Variants in C16orf96 observed in about 807,000 individuals in gnomAD.
C16orf96 encodes uncharacterized protein C16orf96.
Under a neutral mutation model 103.6 loss-of-function variants are expected in C16orf96, and 108 were observed. The ratio of observed to expected loss-of-function variants is 1.04; its 90% CI spans 0.89 to 1.22. The LOEUF (loss-of-function observed/expected upper bound fraction) is 1.22, where lower values mean the gene tolerates loss of function less well. Among genes scored for constraint, C16orf96 ranks in the 50% most tolerant of loss-of-function variants. C16orf96 has a pLI of 0.00. For synonymous variants in C16orf96, 566 were observed against 593.5 expected (o/e 0.95, Z 0.67); for missense variants, 1,586 against 1,464.2 (o/e 1.08, Z -1.36).
At chr16:4,579,874 G>A (rs543634138) in intron 6 of C16orf96, 141 bp from the exon 7 acceptor site, 10 of 645,682 alleles carry the variant, frequency 1.5e-5, no homozygotes, top group South Asian at 1.1e-4. Flanking sequence ...GCCTCCCAAA[G>A]TGCTGGGATT....
chr16:4,587,008 A>T, intron 7 of C16orf96, 31 bp from the exon 8 acceptor site: 3 of 1,542,400 alleles, frequency 1.9e-6, no homozygotes, highest in Non-Finnish European at 2.6e-6. Context: ...GCTCTCCAGG[A>T]TGGCAGACAT....
At chr16:4,546,300 A>G in the C16orf96 span, among the ~76,000 whole-genome samples, 4 of 151,230 alleles carry the variant, frequency 2.6e-5, no homozygotes, top group African/African-American at 7.3e-5. Flanking sequence ...CTGGGACTAC[A>G]GGCGCCCGCT....
the C16orf96 span, among the ~76,000 whole-genome samples, chr16:4,540,242 G>C: frequency 1.3e-5 from 2 of 152,210 alleles, no homozygotes; most frequent in Non-Finnish European, 2.9e-5. Flanking sequence ...AGAGTTACGG[G>C]GTGGTGCCAC....
At position 4,576,406 on chromosome 16, in the gene C16orf96, C is replaced by T. The variant is rs780858986; in HGVS notation, c.1926C>T (p.Ser642=). 1.4e-5 allele frequency: 22 copies of T among 1,551,120 alleles called. No individual in the cohort carries two copies. Among genetic ancestry groups the T allele is most frequent in the South Asian group, 3.6e-5 (3 of 84,066 alleles). ...ATESQILGDD[S]EIYEILSPSY... ...AATCCCAGATCTTGGGCGATGATTC[C>T]GAAATCTACGAAATCCTCTCTCCCT... The change falls in exon 5 of 16, where the codon TCC becomes TCT. Residue 642 remains serine (S), a synonymous_variant. Transcript: ENST00000444310.
At position 4,575,429 on chromosome 16, in the gene C16orf96, G is replaced by C. The variant is rs551849751; in HGVS notation, c.949G>C (p.Ala317Pro). The C allele has an allele frequency of 3.4e-5, 52 of 1,549,516 alleles. No homozygotes were observed. In the African/African-American group the frequency reaches 6.4e-4, roughly 19 times the overall value. The change falls in exon 5 of 16, where the codon GCA (alanine) becomes CCA (proline). Residue 317 changes from alanine (A) to proline (P), a missense_variant. Coordinates refer to ENST00000444310, the MANE Select transcript of C16orf96 (RefSeq NM_001145011.2). ...AQPPALTPES[A>P]PGCTTEFAPG... The stretch of plus-strand genomic sequence containing the variant: ...GCCTCCGGCCCTCACGCCTGAGTCT[G>C]CACCTGGGTGCACAACTGAATTTGC...
At chr16:4,543,744 C>T in the C16orf96 span, among the ~76,000 whole-genome samples, 16 of 152,164 alleles carry the variant, frequency 1.1e-4, no homozygotes, top group East Asian at 1.4e-3. Context: ...TCTTGGCAAG[C>T]GATTCTTCTG....
chr16:4,600,275 C>T lies in C16orf96; in HGVS notation c.3384C>T (p.Ser1128=), dbSNP rs1364534620. Residue 1128 remains serine (S), a synonymous_variant, in exon 16 of 16, where the codon TCC becomes TCT. Coordinates refer to ENST00000444310, the MANE Select transcript of C16orf96 (RefSeq NM_001145011.2). ...TRLSRAPHIE[S]RVGRKPPEEP... ...TCTCAAGAGCTCCACACATTGAGTCCCGAGTCGGCAGGAAGCCCCCCGAGG... is the reference window on the plus strand; with the variant it reads ...TCTCAAGAGCTCCACACATTGAGTCTCGAGTCGGCAGGAAGCCCCCCGAGG... 7 of 1,551,338 alleles carry T rather than the reference C, an allele frequency of 4.5e-6. No homozygotes were observed. In the Admixed American group the frequency reaches 7.8e-5, roughly 17 times the overall value.
intron 1 of C16orf96, among the ~76,000 whole-genome samples, chr16:4,567,692 C>CTTTTTTTTTT (rs60143866): frequency 1.6e-4 from 7 of 44,530 alleles, no homozygotes; most frequent in African/African-American, 6.0e-4. Context: ...CTTCTGTTGC[C>CTTTTTTTTTT]TTTTTTTTTT....
intron 2 of C16orf96, among the ~76,000 whole-genome samples, chr16:4,573,349 G>T (rs2059460345): frequency 6.8e-6 from 1 of 147,522 alleles, no homozygotes; most frequent in African/African-American, 2.5e-5. Context: ...TGAGGCACGA[G>T]AATCACTTGA....
intron 1 of C16orf96, among the ~76,000 whole-genome samples, chr16:4,569,502 C>T (rs971268701): frequency 2.0e-5 from 3 of 151,870 alleles, no homozygotes; most frequent in Admixed American, 6.6e-5. Context: ...CCTGTAATCC[C>T]AGCACTCTGG....
intron 5 of C16orf96, among the ~76,000 whole-genome samples, chr16:4,578,146 ATTG>A (rs2059536045): frequency 6.6e-6 from 1 of 152,094 alleles, no homozygotes; most frequent in African/African-American, 2.4e-5. Context: ...TTTTTTAATT[ATTG>A]TTATTATTTT....
At chr16:4,599,232 C>T (rs1340588941) in intron 14 of C16orf96, 52 bp from the exon 15 acceptor site, 1 of 1,500,158 alleles carries the variant, frequency 6.7e-7, no homozygotes, top group African/African-American at 1.4e-5. Flanking sequence ...CGGCCTGACA[C>T]AGGCCCAGGG....
chr16:4,559,743 C>G (rs941684576), intron 1 of C16orf96, among the ~76,000 whole-genome samples: 4 of 152,108 alleles, frequency 2.6e-5, no homozygotes, highest in African/African-American at 7.2e-5. Flanking sequence ...GGAAAAAACC[C>G]TATTTCCCCT....
Position 4,556,792 on chromosome 16 carries a change from G to C in C16orf96, c.303G>C (p.Leu101=). ...LENQLALLQD[L]PSTAQLLEAS... is the part of the protein sequence containing the mutation. ...ACCAGCTGGCCCTGCTGCAGGACCT[G>C]CCCTCCACTGCCCAGCTGCTGGAAG... Residue 101 remains leucine (L), a synonymous_variant, in exon 1 of 16, where the codon CTG becomes CTC. Transcript: ENST00000444310. 1.9e-6 allele frequency: 3 copies of C among 1,551,642 alleles called. No individual in the cohort carries two copies. The highest frequency in any genetic ancestry group is 1.7e-6 in the Non-Finnish European group (2 of 1,147,010).
At chr16:4,578,778 A>T (rs375846106) in intron 5 of C16orf96, among the ~76,000 whole-genome samples, 162 bp from the exon 6 acceptor site, 31 of 152,316 alleles carry the variant, frequency 2.0e-4, no homozygotes, top group Middle Eastern at 3.4e-3. Context: ...TAATTAAAAA[A>T]TAATGAAGAA....
chr16:4,577,183 C>G (rs1214623735), intron 5 of C16orf96, among the ~76,000 whole-genome samples: 1 of 151,672 alleles, frequency 6.6e-6, no homozygotes, highest in Non-Finnish European at 1.5e-5. Flanking sequence ...AAGAACGAAA[C>G]TCTGTCTCAA....
At chr16:4,565,372 G>T (rs4238850) in intron 1 of C16orf96, among the ~76,000 whole-genome samples, 4 of 152,152 alleles carry the variant, frequency 2.6e-5, no homozygotes, top group East Asian at 1.9e-4. Flanking sequence ...TTCTTCCCCA[G>T]GACAGGAGTC....
intron 14 of C16orf96, among the ~76,000 whole-genome samples, chr16:4,597,996 C>T (rs1377442242): frequency 1.3e-5 from 2 of 152,160 alleles, no homozygotes; most frequent in African/African-American, 4.8e-5. Flanking sequence ...CTGTCTGTGG[C>T]CAGATCTTGA....
rs537786007 is a variant in C16orf96 at position 4,593,268 on chromosome 16, G to A, written c.2819G>A (p.Arg940Gln). 25 of 1,551,008 alleles carry A rather than the reference G, an allele frequency of 1.6e-5. No individual in the cohort carries two copies. The highest frequency in any genetic ancestry group is 1.5e-4 in the South Asian group (13 of 84,020). Residue 940 changes from arginine (R) to glutamine (Q), a missense_variant, in exon 12 of 16, where the codon CGG becomes CAG. Arg to Gln is a conservative substitution (Grantham distance 43). Transcript: ENST00000444310. This position sits in a 1 kb window ranked among gnomAD's most constrained non-coding sequence, Gnocchi z 4.2. ...AAAGCCCACCTGCTGTCCCGGCTGC[G>A]GCCAGCCAGCGCCAACAGCTGCGAG... ...IRKAHLLSRL[R>Q]PASANSCEYL...
Sources: gnomAD v4.1 joint callset for allele counts (sites outside exome capture counted in the v4.1 genomes callset) on GRCh38, gnomAD v4.1.1 for gene constraint, Gnocchi (gnomAD v3.1) non-coding constraint, MANE v1.5 for transcripts, NCBI Gene and HGNC (gene_info 2026-07-23, HGNC 2026-07-21) for gene names.